The following ITLN2 variants were observed in gnomAD, a reference collection of about 807,000 sequenced individuals.
ITLN2 encodes intelectin-2.
A neutral mutation model predicts 39.4 loss-of-function variants in ITLN2; 29 were observed. The ratio of observed to expected loss-of-function variants is 0.74; its 90% CI spans 0.55 to 1.00. The LOEUF (loss-of-function observed/expected upper bound fraction) is 1.00, where lower values mean the gene tolerates loss of function less well. Among genes scored for constraint, ITLN2 ranks in the 50% least tolerant of loss-of-function variants. ITLN2 has a pLI of 0.00. For synonymous variants in ITLN2, 156 were observed against 153.4 expected, an observed-to-expected ratio of 1.02 and a Z score of -0.12; for missense variants, 412 against 416.7, an observed-to-expected ratio of 0.99 and a Z score of 0.10.
intron 7 of ITLN2, among the ~76,000 whole-genome samples, chr1:160,947,018 G>T (rs1671620864): frequency 6.6e-6 from 1 of 152,140 alleles, no homozygotes; most frequent in Admixed American, 6.5e-5. Flanking sequence ...TGGGACCAGG[G>T]GACCAGCACT....
chr1:160,951,725 A>G (rs1671750107), intron 3 of ITLN2, among the ~76,000 whole-genome samples: 1 of 152,218 alleles, frequency 6.6e-6, no homozygotes, highest in South Asian at 2.1e-4. Context: ...GACTGGCTCC[A>G]CGGTGGCATC....
rs1028380602 is a variant in ITLN2, at chr1:160,950,580, C to G, written c.573G>C (p.Leu191=). 1 of 1,614,166 alleles carries G rather than the reference C, an allele frequency of 6.2e-7. No individual in the cohort carries two copies. Among genetic ancestry groups the G allele is most frequent in the Non-Finnish European group, 8.5e-7 (1 of 1,179,996 alleles). The part of the protein sequence containing the change: ...YRTNTGFLQR[L]GHNLFGIYQK... ...GGTAGATGCCAAACAGATTATGTCC[C>G]AGTCTCTGGAGGAAGCCAGTGTTGG... The change falls in exon 5 of 8, where the codon CTG becomes CTC. Residue 191 remains leucine (L), a synonymous_variant. Transcript: ENST00000368029.
intron 3 of ITLN2, among the ~76,000 whole-genome samples, 191 bp downstream of exon 3, chr1:160,952,429 C>G (rs12066497): frequency 0.016 from 2,498 of 152,302 alleles, 59 homozygotes; most frequent in African/African-American, 0.057. Context: ...TGCATTCTCT[C>G]TGTGTTCAGA....
At chr1:160,950,959 C>A in intron 4 of ITLN2, 84 bp downstream of exon 4, 1 of 1,610,276 alleles carries the variant, frequency 6.2e-7, no homozygotes, top group Non-Finnish European at 8.5e-7. Flanking sequence ...ATATCCCCAC[C>A]TTCCAGCCCT....
intron 2 of ITLN2, 108 bp downstream of exon 2, chr1:160,954,279 C>T: frequency 1.2e-6 from 1 of 852,420 alleles, no homozygotes; most frequent in Non-Finnish European, 1.8e-6. Context: ...CCAGAACTTC[C>T]CCTTTGACCC....
chr1:160,950,261 A>C, intron 5 of ITLN2, 95 bp from the exon 6 acceptor site: 1 of 1,322,142 alleles, frequency 7.6e-7, no homozygotes. Context: ...CCATTACCCA[A>C]AACCAATCCT....
intron 4 of ITLN2, 162 bp from the exon 5 acceptor site, chr1:160,950,873 A>G: frequency 1.4e-6 from 2 of 1,467,732 alleles, no homozygotes; most frequent in Non-Finnish European, 1.9e-6. Context: ...ACCACCACCC[A>G]GGGCCCTAAC....
Position 160,954,402 on chromosome 1 carries a change from T to C in ITLN2, c.64A>G (p.Ser22Gly). ...CFLLFFSVAT[S>G]GCSAAAASSL... The stretch of plus-strand genomic sequence containing the variant: ...AGCCATTTACCTGCACTGCACCCAC[T>C]GGTGGCCACAGAGAAGAATAACAGG... The change falls in exon 2 of 8, where the codon AGT (serine) becomes GGT (glycine). Residue 22 changes from serine to glycine, a missense_variant. Transcript: ENST00000368029. 1 of 1,576,484 alleles carries C rather than the reference T, an allele frequency of 6.3e-7. No individual in the cohort carries two copies. The highest frequency in any genetic ancestry group is 8.6e-7 in the Non-Finnish European group (1 of 1,159,428).
Position 160,954,786 on chromosome 1 carries a change from C to T in ITLN2, c.-45G>A, listed in dbSNP as rs749355548. On this transcript the variant is annotated 5_prime_UTR_variant, in exon 1 of 8. Transcript: ENST00000368029. ...TGATAGTTCCCTTCCTGTGGACACT[C>T]GGAGCTCCCCTGCAGAGGATCCTGA... is the stretch of plus-strand genomic sequence containing the variant. 1.9e-6 allele frequency: 3 copies of T among 1,608,600 alleles called. No individual in the cohort carries two copies. The highest frequency in any genetic ancestry group is 2.2e-5 in the East Asian group (1 of 44,856).
intron 3 of ITLN2, 153 bp from the exon 4 acceptor site, chr1:160,951,443 G>T: frequency 3.1e-6 from 3 of 958,662 alleles, no homozygotes; most frequent in Non-Finnish European, 4.6e-6. Context: ...CTTGTGTTCT[G>T]CTCACCTATG....
At chr1:160,954,594 C>T in intron 1 of ITLN2, 133 bp downstream of exon 1, 1 of 1,234,610 alleles carries the variant, frequency 8.1e-7, no homozygotes, top group Non-Finnish European at 1.2e-6. Flanking sequence ...CTGGAATATG[C>T]CCCACGGCTG....
At chr1:160,951,441 C>T (rs1671743986) in intron 3 of ITLN2, 151 bp from the exon 4 acceptor site, 1 of 982,624 alleles carries the variant, frequency 1.0e-6, no homozygotes, top group Non-Finnish European at 1.5e-6. Context: ...ATCTTGTGTT[C>T]TGCTCACCTA....
At chr1:160,952,148 ACT>A (rs1306770563) in intron 3 of ITLN2, among the ~76,000 whole-genome samples, 1 of 151,436 alleles carries the variant, frequency 6.6e-6, no homozygotes, top group Non-Finnish European at 1.5e-5. Context: ...TGAGTAATAA[ACT>A]CTCTGGCTCT....
chr1:160,948,580 C>T (rs1225007115), intron 6 of ITLN2: 4 of 150,892 alleles, frequency 2.7e-5, no homozygotes, highest in African/African-American at 9.8e-5. Context: ...AAGTAAATCT[C>T]TCTCACCACT....
intron 7 of ITLN2, among the ~76,000 whole-genome samples, chr1:160,945,908 T>C (rs774286193): frequency 2.6e-5 from 4 of 152,176 alleles, no homozygotes; most frequent in Non-Finnish European, 4.4e-5. Flanking sequence ...AAGATTAATA[T>C]TGGAGAATAT....
intron 6 of ITLN2, among the ~76,000 whole-genome samples, chr1:160,948,334 A>G (rs1193694847): frequency 2.0e-5 from 3 of 152,230 alleles, no homozygotes; most frequent in African/African-American, 7.2e-5. Context: ...ATTACCAAAA[A>G]GATCTGAGAA....
chr1:160,948,627 C>CT (rs397777960), intron 6 of ITLN2: 3,434 of 132,580 alleles, frequency 0.026, 86 homozygotes, highest in East Asian at 0.087. Flanking sequence ...TCAGTGTGCA[C>CT]TTTTTTTTTT....
Position 160,945,116 on chromosome 1 carries a change from G to T in ITLN2, c.*24C>A, listed in dbSNP as rs375075864. 7.1e-6 allele frequency: 11 copies of T among 1,549,714 alleles called. No homozygotes were observed. Among genetic ancestry groups the T allele is most frequent in the Admixed American group, 2.4e-5 (1 of 42,056 alleles). On this transcript the variant is annotated 3_prime_UTR_variant, in exon 8 of 8. Coordinates refer to ENST00000368029, the MANE Select transcript of ITLN2 (RefSeq NM_080878.3). ...AGCCGGGGTTGGAAGATGGGTTCTC[G>T]CCCTGACACCGCAGAGCTCTGTCTC...
In ITLN2 at chr1:160,954,706, G is replaced by C. The variant is rs375891047; in HGVS notation, c.15+21C>G. 7 of 1,613,596 alleles carry C rather than the reference G, an allele frequency of 4.3e-6. No homozygotes were observed. The African/African-American group carries it at 8.0e-5, about 18-fold the overall frequency. On this transcript the variant is annotated intron_variant, in intron 1 of 7. Coordinates refer to ENST00000368029, the MANE Select transcript of ITLN2 (RefSeq NM_080878.3). ...TGGCATCATTGCTCCCACACACATG[G>C]ATCAAAAACATTTTTCTCACCAGCA...
Sources: gnomAD v4.1 joint callset for allele counts (sites outside exome capture counted in the v4.1 genomes callset) on GRCh38, gnomAD v4.1.1 for gene constraint, MANE v1.5 for transcripts, NCBI Gene and HGNC (gene_info 2026-07-23, HGNC 2026-07-21) for gene names.